The following RGS6 variants were observed in gnomAD, a reference collection of about 807,000 sequenced individuals.
The protein encoded by RGS6 is regulator of G-protein signaling 6.
Under a neutral mutation model 78.5 loss-of-function variants are expected in RGS6, and 30 were observed. That is an observed-to-expected ratio of 0.38 (90% CI 0.29 to 0.52). The LOEUF is 0.52. Ranked by LOEUF, RGS6 falls within the 20% of genes least tolerant of loss-of-function variation. The pLI, the probability that RGS6 is intolerant of heterozygous loss-of-function variation, is 0.85. For synonymous variants in RGS6, 206 were observed against 206.0 expected (o/e 1.00, Z 0.00); for missense variants, 495 against 609.7 (o/e 0.81, Z 1.98).
At chr14:72,124,950 G>A (rs1055334180) in intron 2 of RGS6, among the ~76,000 whole-genome samples, 6 of 152,186 alleles carry the variant, frequency 3.9e-5, no homozygotes, top group African/African-American at 1.4e-4. Flanking sequence ...TGGGGATGAG[G>A]CTGTTTCATA....
chr14:72,493,813 G>A (rs1432880207), intron 12 of RGS6, among the ~76,000 whole-genome samples: 1 of 151,478 alleles, frequency 6.6e-6, no homozygotes, highest in Non-Finnish European at 1.5e-5. Flanking sequence ...CTAAAGGAAA[G>A]AGATTTTTCA....
chr14:72,304,615 A>C (rs1404412553), intron 2 of RGS6, among the ~76,000 whole-genome samples: 1 of 152,174 alleles, frequency 6.6e-6, no homozygotes, highest in Non-Finnish European at 1.5e-5. Context: ...AGTGGCTCAC[A>C]CCTGTAATTC....
intron 2 of RGS6, among the ~76,000 whole-genome samples, chr14:71,978,659 T>G (rs1351517505): frequency 6.0e-5 from 9 of 149,808 alleles, no homozygotes; most frequent in African/African-American, 9.8e-5. Flanking sequence ...GCTGGATTCG[T>G]TTTGCCAGTA....
intron 2 of RGS6, among the ~76,000 whole-genome samples, chr14:72,269,589 T>TTTA (rs2059622947): frequency 7.5e-6 from 1 of 132,914 alleles, no homozygotes; most frequent in African/African-American, 3.1e-5. Flanking sequence ...TTTTTTTTTT[T>TTTA]TTTTTGAGAC....
At chr14:72,393,170 CT>C (rs1166673200) in intron 3 of RGS6, among the ~76,000 whole-genome samples, 1 of 152,158 alleles carries the variant, frequency 6.6e-6, no homozygotes, top group African/African-American at 2.4e-5. Context: ...CAAGCCACCC[CT>C]ATGCATGAAG....
rs79163149 is a variant in RGS6 at position 72,232,893 on chromosome 14, G to A, written c.85-119202G>A. On this transcript the variant is annotated intron_variant, in intron 2 of 17. Transcript: ENST00000553525. ...CCCTGGGAGGGCCTGGCAAGCCTGAGGCTGGCGTGCATGCAGCCTGTACGC... is the reference window on the plus strand; with the variant it reads ...CCCTGGGAGGGCCTGGCAAGCCTGAAGCTGGCGTGCATGCAGCCTGTACGC... Among the ~76,000 whole-genome samples, 593 of 152,306 alleles carry A rather than the reference G, an allele frequency of 3.9e-3. 4 individuals are homozygous for A. Among genetic ancestry groups the A allele is most frequent in the African/African-American group, 0.014 (572 of 41,554 alleles).
At chr14:72,491,358 G>A (rs2096575923) in intron 12 of RGS6, among the ~76,000 whole-genome samples, 1 of 151,504 alleles carries the variant, frequency 6.6e-6, no homozygotes, top group Non-Finnish European at 1.5e-5. Flanking sequence ...AAAAATCTGT[G>A]TCTAATAAAA....
the RGS6 span, among the ~76,000 whole-genome samples, chr14:72,578,819 A>G: frequency 1.3e-5 from 2 of 152,222 alleles, no homozygotes; most frequent in Non-Finnish European, 2.9e-5. Context: ...GTGAGTAGGC[A>G]TTTGTCAAAT....
intron 2 of RGS6, among the ~76,000 whole-genome samples, chr14:72,239,444 C>A (rs1371980502): frequency 1.3e-5 from 2 of 152,310 alleles, no homozygotes; most frequent in South Asian, 4.1e-4. Context: ...ATTGTCTCTC[C>A]CTGGTGCCCT....
chr14:72,582,543 A>G, the RGS6 span, among the ~76,000 whole-genome samples: 1 of 152,218 alleles, frequency 6.6e-6, no homozygotes, highest in Non-Finnish European at 1.5e-5. Context: ...AAAATCACAT[A>G]TGAAAACCAA....
At chr14:71,918,210 A>AAAAAAAAAAAAAAAAAAAT in the RGS6 span, among the ~76,000 whole-genome samples, 1 of 145,704 alleles carries the variant, frequency 6.9e-6, no homozygotes, top group South Asian at 2.2e-4. Context: ...AAAAAAAAAA[A>AAAAAAAAAAAAAAAAAAAT]AAAAAAAAAA....
chr14:72,377,921 A>T (rs1395552641), intron 3 of RGS6, among the ~76,000 whole-genome samples: 1 of 152,154 alleles, frequency 6.6e-6, no homozygotes, highest in Non-Finnish European at 1.5e-5. Context: ...TGCAGTAAGG[A>T]TGCAGTGAGC....
At chr14:72,628,418 CAAATG>C in the RGS6 span, among the ~76,000 whole-genome samples, 13 of 151,994 alleles carry the variant, frequency 8.6e-5, no homozygotes, top group Non-Finnish European at 1.5e-4. Flanking sequence ...TGAAGGTAAC[CAAATG>C]AAAGATTGGG....
chr14:72,240,943 G>A (rs965951035), intron 2 of RGS6, among the ~76,000 whole-genome samples: 18 of 152,090 alleles, frequency 1.2e-4, no homozygotes, highest in Non-Finnish European at 5.9e-5. Flanking sequence ...TGGATCACGA[G>A]GTCAGGAGAT....
chr14:72,036,962 C>T (rs538155201), intron 2 of RGS6, among the ~76,000 whole-genome samples: 3 of 152,152 alleles, frequency 2.0e-5, no homozygotes, highest in African/African-American at 7.2e-5. Context: ...GAGGTGTAGC[C>T]AGCTGGGCTT....
At chr14:71,990,998 C>T (rs191826557) in intron 2 of RGS6, 36 of 367,690 alleles carry the variant, frequency 9.8e-5, no homozygotes, top group African/African-American at 7.0e-4. Context: ...ATGAAAATGA[C>T]ATGCCATGTG....
At chr14:71,996,145 G>C (rs964912486) in intron 2 of RGS6, among the ~76,000 whole-genome samples, 2 of 134,534 alleles carry the variant, frequency 1.5e-5, no homozygotes, top group Non-Finnish European at 3.2e-5. Flanking sequence ...TCGGGTGTTC[G>C]TTAGAAGTGT....
chr14:72,166,775 G>A (rs1471626300), intron 2 of RGS6, among the ~76,000 whole-genome samples: 4 of 152,194 alleles, frequency 2.6e-5, no homozygotes, highest in African/African-American at 9.7e-5. Context: ...CACAGCTGGT[G>A]GAGGGTAATG....
intron 2 of RGS6, among the ~76,000 whole-genome samples, chr14:72,072,125 G>T (rs2094429829): frequency 6.6e-6 from 1 of 152,102 alleles, no homozygotes; most frequent in African/African-American, 2.4e-5. Context: ...CCATGCTTCG[G>T]GCAGGTGCTG....
Sources: allele counts gnomAD v4.1 joint callset (sites outside exome capture counted in the v4.1 genomes callset), GRCh38; gene constraint gnomAD v4.1.1; transcripts MANE v1.5; gene names NCBI Gene and HGNC (gene_info 2026-07-23, HGNC 2026-07-21).